SNTG2: variants seen among roughly 807,000 people sequenced by gnomAD.
SNTG2 encodes gamma-2-syntrophin.
SNTG2 carries 74 observed loss-of-function variants against 70.9 expected under a neutral mutation model. That is an observed-to-expected ratio of 1.04 (90% CI 0.86 to 1.27). The LOEUF is 1.27. Ranked by LOEUF, SNTG2 falls within the 50% of genes most tolerant of loss-of-function variation. The pLI is 0.00. For missense variants in SNTG2, 717 were observed against 690.7 expected, an observed-to-expected ratio of 1.04 and a Z score of -0.43; for synonymous variants, 278 against 273.8, an observed-to-expected ratio of 1.02 and a Z score of -0.15.
chr2:1,090,572 G>T (rs939734690), intron 2 of SNTG2, among the ~76,000 whole-genome samples: 1 of 152,188 alleles, frequency 6.6e-6, no homozygotes, highest in African/African-American at 2.4e-5. Flanking sequence ...AAGGACATTT[G>T]CAAGGGCCGG....
intron 4 of SNTG2, among the ~76,000 whole-genome samples, chr2:1,123,405 C>T (rs867857150): frequency 2.0e-5 from 3 of 152,152 alleles, no homozygotes; most frequent in Admixed American, 6.5e-5. Flanking sequence ...TAAAACTAAA[C>T]GTACATGCTC....
At chr2:993,326 C>A (rs1661567707) in intron 1 of SNTG2, among the ~76,000 whole-genome samples, 1 of 148,134 alleles carries the variant, frequency 6.8e-6, no homozygotes, top group South Asian at 2.1e-4. Context: ...ATTTCAAGTT[C>A]CATGCACATT....
At chr2:1,324,100 A>C (rs942253793) in intron 16 of SNTG2, among the ~76,000 whole-genome samples, 1 of 146,972 alleles carries the variant, frequency 6.8e-6, no homozygotes, top group Non-Finnish European at 1.5e-5. Context: ...CATGCCTGAG[A>C]CCCCCCAGTA....
At chr2:1,209,009 C>A in intron 8 of SNTG2, 94 bp from the exon 9 acceptor site, 1 of 1,485,242 alleles carries the variant, frequency 6.7e-7, no homozygotes, top group Non-Finnish European at 9.1e-7. Context: ...ATGTGTTGGA[C>A]TTGAGTTCTG....
chr2:1,080,357 T>C (rs1664205677), intron 1 of SNTG2, among the ~76,000 whole-genome samples: 1 of 152,212 alleles, frequency 6.6e-6, no homozygotes, highest in African/African-American at 2.4e-5. Context: ...GGAATTTGAC[T>C]TTTACTTTGA....
chr2:958,834 G>A (rs1387249834), intron 1 of SNTG2, among the ~76,000 whole-genome samples: 1 of 152,024 alleles, frequency 6.6e-6, no homozygotes, highest in African/African-American at 2.4e-5. Context: ...TTTGATGTTA[G>A]GAGTTATAGT....
chr2:1,275,331 G>A (rs1558623392), intron 14 of SNTG2, among the ~76,000 whole-genome samples: 2 of 152,212 alleles, frequency 1.3e-5, no homozygotes, highest in Non-Finnish European at 2.9e-5. Context: ...AAGATTTAAG[G>A]AAACCCTGCA....
Position 1,097,299 on chromosome 2 carries a change from T to G in SNTG2, c.211-897T>G, listed in dbSNP as rs891888269. On this transcript the variant is annotated intron_variant, in intron 2 of 16. Coordinates refer to ENST00000308624, the MANE Select transcript of SNTG2 (RefSeq NM_018968.4). This position sits in a 1 kb window ranked among gnomAD's most constrained non-coding sequence, Gnocchi z 4.1. ...CAGGTCCCCCCTTCGGCGTGGGCTC[T>G]GCCACCCTTTTACTTCTTTGTCCTT... 6.6e-6 allele frequency among the ~76,000 whole-genome samples: 1 copy of G among 152,248 alleles called. No individual in the cohort carries two copies. The highest frequency in any genetic ancestry group is 2.4e-5 in the African/African-American group (1 of 41,466).
At chr2:1,231,781 G>C (rs1347657802) in intron 9 of SNTG2, among the ~76,000 whole-genome samples, 1 of 152,148 alleles carries the variant, frequency 6.6e-6, no homozygotes, top group Non-Finnish European at 1.5e-5. Context: ...ACAAACCCAG[G>C]TGCTGGAATC....
intron 8 of SNTG2, among the ~76,000 whole-genome samples, chr2:1,205,828 A>G (rs1673599788): frequency 6.6e-6 from 1 of 152,208 alleles, no homozygotes. Context: ...CAATCTTATA[A>G]TAACTGTGGC....
At chr2:954,210 A>G (rs552987078) in intron 1 of SNTG2, among the ~76,000 whole-genome samples, 2 of 152,096 alleles carry the variant, frequency 1.3e-5, no homozygotes, top group East Asian at 3.9e-4. Context: ...GGAAATGGAG[A>G]AGGAAGGAGG....
chr2:1,056,246 C>A, intron 1 of SNTG2, among the ~76,000 whole-genome samples: 1 of 106,512 alleles, frequency 9.4e-6, no homozygotes, highest in South Asian at 3.7e-4. Flanking sequence ...AGGGAGAGGC[C>A]GCACTGTGCT....
chr2:1,267,890 C>T (rs1288950339), intron 14 of SNTG2, among the ~76,000 whole-genome samples: 1 of 152,228 alleles, frequency 6.6e-6, no homozygotes. Flanking sequence ...GATGACACTT[C>T]TAGCCTGTGC....
intron 4 of SNTG2, among the ~76,000 whole-genome samples, chr2:1,112,442 A>G (rs1285143520): frequency 6.6e-6 from 1 of 151,538 alleles, no homozygotes; most frequent in Admixed American, 6.6e-5. Context: ...CAGTTCATTG[A>G]GGAGGATTTT....
intron 1 of SNTG2, among the ~76,000 whole-genome samples, chr2:952,549 CCAGT>C (rs1660011246): frequency 6.6e-6 from 1 of 152,214 alleles, no homozygotes. Context: ...TTGATGTTTT[CCAGT>C]CAAGAGTGGC....
chr2:1,018,719 C>T (rs1319962722), intron 1 of SNTG2, among the ~76,000 whole-genome samples: 1 of 151,992 alleles, frequency 6.6e-6, no homozygotes, highest in Admixed American at 6.6e-5. Context: ...AATGCATGCT[C>T]AAGTGGCTGG....
In SNTG2 at chr2:1,367,013, T is replaced by G. The variant is rs542100192; in HGVS notation, c.1489-330T>G. ...GGGAAGACTGAGTCCTGGCCCAGATTACGGGGTCTGACTTAATCAAGACCC... is the reference window on the plus strand; with the variant it reads ...GGGAAGACTGAGTCCTGGCCCAGATGACGGGGTCTGACTTAATCAAGACCC... On this transcript the variant is annotated intron_variant, in intron 16 of 16. Coordinates refer to ENST00000308624, the MANE Select transcript of SNTG2 (RefSeq NM_018968.4). 2.6e-5 allele frequency among the ~76,000 whole-genome samples: 4 copies of G among 152,314 alleles called. No homozygotes were observed. The South Asian group carries it at 8.3e-4, about 32-fold the overall frequency.
At chr2:1,258,550 A>G (rs1259299605) in intron 12 of SNTG2, among the ~76,000 whole-genome samples, 1 of 152,218 alleles carries the variant, frequency 6.6e-6, no homozygotes, top group Non-Finnish European at 1.5e-5. Context: ...GGATTACCAG[A>G]AGGTCCCCAA....
At chr2:1,365,040 T>C (rs1330102093) in intron 16 of SNTG2, among the ~76,000 whole-genome samples, 1 of 152,342 alleles carries the variant, frequency 6.6e-6, no homozygotes, top group African/African-American at 2.4e-5. Flanking sequence ...AATTACAATA[T>C]GTGCTAAGTT....
Sources: gnomAD v4.1 joint callset for allele counts (sites outside exome capture counted in the v4.1 genomes callset) on GRCh38, gnomAD v4.1.1 for gene constraint, Gnocchi (gnomAD v3.1) non-coding constraint, MANE v1.5 for transcripts, NCBI Gene and HGNC (gene_info 2026-07-23, HGNC 2026-07-21) for gene names.